Variants in CCDC38 observed in about 807,000 individuals in gnomAD.
The protein encoded by CCDC38 is coiled-coil domain-containing protein 38.
A neutral mutation model predicts 72.8 loss-of-function variants in CCDC38; 69 were observed. The ratio of observed to expected loss-of-function variants is 0.95; its 90% CI spans 0.78 to 1.16. CCDC38 has a LOEUF of 1.16. CCDC38 is among the 50% of genes most tolerant of loss of function. The probability of loss-of-function intolerance (pLI) is 0.00; values close to 1 mark genes in which losing one functional copy is unlikely to be tolerated. For synonymous variants in CCDC38, 201 were observed against 213.2 expected, an observed-to-expected ratio of 0.94 and a Z score of 0.50; for missense variants, 626 against 638.9, an observed-to-expected ratio of 0.98 and a Z score of 0.22.
Position 95,936,466 on chromosome 12 carries a change from T to G in CCDC38, c.37+7A>C. 6.2e-7 allele frequency: 1 copy of G among 1,612,844 alleles called. No homozygotes were observed. Among genetic ancestry groups the G allele is most frequent in the Non-Finnish European group, 8.5e-7 (1 of 1,179,638 alleles). ...AAACAAGAATATATTGATTGATTTC[T>G]TTTTACCTCCAGAATTCAGTGTTGG... is the stretch of plus-strand genomic sequence containing the variant. On this transcript the variant is annotated splice_region_variant and intron_variant, in intron 2 of 15. Coordinates refer to ENST00000344280, the MANE Select transcript of CCDC38 (RefSeq NM_182496.3).
chr12:95,917,245 G>A lies in CCDC38; in HGVS notation c.188C>T (p.Ser63Leu), dbSNP rs1038390423. The A allele has an allele frequency of 3.7e-6, 6 of 1,603,952 alleles. No individual in the cohort carries two copies. Among genetic ancestry groups the A allele is most frequent in the Non-Finnish European group, 5.1e-6 (6 of 1,177,940 alleles). Residue 63 changes from serine (S) to leucine (L), a missense_variant, in exon 4 of 16, where the codon TCA (serine) becomes TTA (leucine). By Grantham distance (145) the Ser-to-Leu change is moderately radical. Transcript: ENST00000344280. ...GTATGAATGACTCTTCATTCTGGAT[G>A]AAAAAGTAGTTTTCTGGTAGACTTT... ...NMKVYQKTTFSSRMKSHSYLS... is the reference protein window; with the variant it reads ...NMKVYQKTTFLSRMKSHSYLS...
At position 95,888,461 on chromosome 12, in the gene CCDC38, G is replaced by T; in HGVS notation, c.917C>A (p.Ser306Ter). Reference protein sequence around the residue: ...SLTRTPEKKKSNLAESFGSED... With the variant: ...SLTRTPEKKK ...GTTAGTCAAGTATATACTGTACTTT[G>T]ATTTCTTTTTCTCTGGAGTGCGAGT... Residue 306 changes from serine (S) to a stop codon, truncating the protein, a stop_gained, in exon 10 of 16, where the codon TCA (serine) becomes TAA (stop). Transcript: ENST00000344280. LOFTEE classifies it high-confidence loss of function. The T allele has an allele frequency of 6.2e-7, 1 of 1,613,880 alleles. No homozygotes were observed. The highest frequency in any genetic ancestry group is 8.5e-7 in the Non-Finnish European group (1 of 1,179,888).
At chr12:95,873,989 CATA>C (rs1300934702) in intron 13 of CCDC38, among the ~76,000 whole-genome samples, 1 of 152,176 alleles carries the variant, frequency 6.6e-6, no homozygotes, top group Non-Finnish European at 1.5e-5. Flanking sequence ...TGGAGAAATA[CATA>C]ATAATATAAA....
At chr12:95,868,390 G>T (rs1465623173) in intron 15 of CCDC38, among the ~76,000 whole-genome samples, 1 of 152,154 alleles carries the variant, frequency 6.6e-6, no homozygotes, top group Non-Finnish European at 1.5e-5. Context: ...ATGTGGAAGG[G>T]TGATGAATGG....
At chr12:95,926,897 G>C (rs1272340990) in intron 2 of CCDC38, among the ~76,000 whole-genome samples, 1 of 151,804 alleles carries the variant, frequency 6.6e-6, no homozygotes, top group Non-Finnish European at 1.5e-5. Context: ...TTGCACTGTG[G>C]TCTGAGAGAT....
At chr12:95,917,382 G>A in intron 3 of CCDC38, 88 bp from the exon 4 acceptor site, 1 of 1,122,488 alleles carries the variant, frequency 8.9e-7, no homozygotes, top group Non-Finnish European at 1.2e-6. Flanking sequence ...AATAACATTT[G>A]CAACAAAAAT....
chr12:95,917,047 A>G, intron 4 of CCDC38, 82 bp downstream of exon 4: 3 of 1,074,900 alleles, frequency 2.8e-6, no homozygotes, highest in Non-Finnish European at 3.9e-6. Flanking sequence ...GTCTGTTTTA[A>G]TCACCCTCCA....
intron 2 of CCDC38, among the ~76,000 whole-genome samples, 194 bp from the exon 3 acceptor site, chr12:95,919,170 C>T (rs566520882): frequency 6.6e-6 from 1 of 152,288 alleles, no homozygotes; most frequent in South Asian, 2.1e-4. Flanking sequence ...GTGGATCGGG[C>T]AGCCCCCAGA....
chr12:95,884,209 C>G (rs2079732003), intron 10 of CCDC38, among the ~76,000 whole-genome samples: 1 of 152,156 alleles, frequency 6.6e-6, no homozygotes, highest in South Asian at 2.1e-4. Flanking sequence ...AAAAACAAAA[C>G]AAAATTCTTG....
At chr12:95,877,744 G>A (rs1181909665) in intron 13 of CCDC38, among the ~76,000 whole-genome samples, 1 of 152,196 alleles carries the variant, frequency 6.6e-6, no homozygotes, top group Non-Finnish European at 1.5e-5. Flanking sequence ...ACATATCACA[G>A]CTGTTTTGAT....
chr12:95,870,795 A>G (rs2079572731), intron 14 of CCDC38, among the ~76,000 whole-genome samples: 1 of 152,196 alleles, frequency 6.6e-6, no homozygotes, highest in South Asian at 2.1e-4. Context: ...GGGTAAGCAT[A>G]TCCACCCTAC....
intron 4 of CCDC38, among the ~76,000 whole-genome samples, chr12:95,908,207 C>T (rs1410868592): frequency 5.3e-5 from 8 of 151,818 alleles, no homozygotes; most frequent in African/African-American, 1.7e-4. Context: ...CGTCTGCAAT[C>T]CCGGCACCTC....
intron 13 of CCDC38, among the ~76,000 whole-genome samples, chr12:95,873,587 C>G (rs2079604658): frequency 6.6e-6 from 1 of 152,198 alleles, no homozygotes; most frequent in Non-Finnish European, 1.5e-5. Flanking sequence ...CCTCTGTCTC[C>G]ATTGTGAACC....
chr12:95,872,141 C>T (rs181764193), intron 14 of CCDC38, 114 bp downstream of exon 14: 55 of 890,380 alleles, frequency 6.2e-5, no homozygotes, highest in African/African-American at 6.2e-4. Flanking sequence ...GGATTTCATT[C>T]CTCCTCACTG....
intron 2 of CCDC38, chr12:95,919,436 T>G (rs768424749): frequency 4.6e-6 from 2 of 434,940 alleles, no homozygotes; most frequent in Non-Finnish European, 9.3e-6. Flanking sequence ...TAATTTTGTC[T>G]ACCTATTAAG....
At chr12:95,932,353 C>T (rs2080346841) in intron 2 of CCDC38, among the ~76,000 whole-genome samples, 1 of 152,116 alleles carries the variant, frequency 6.6e-6, no homozygotes, top group African/African-American at 2.4e-5. Flanking sequence ...CCCTCAAGCA[C>T]TCATTTTTCC....
upstream of CCDC38, chr12:95,943,153 T>A: frequency 2.1e-6 from 1 of 471,656 alleles, no homozygotes; most frequent in Non-Finnish European, 3.7e-6. Flanking sequence ...TTACTCGGGA[T>A]GGGACAAGAC....
At chr12:95,921,501 A>C (rs973393789) in intron 2 of CCDC38, among the ~76,000 whole-genome samples, 1 of 152,166 alleles carries the variant, frequency 6.6e-6, no homozygotes, top group Non-Finnish European at 1.5e-5. Context: ...AGGAGAGAGA[A>C]GCATGAAGGA....
intron 10 of CCDC38, among the ~76,000 whole-genome samples, chr12:95,887,894 T>G (rs2079778083): frequency 6.6e-6 from 1 of 152,158 alleles, no homozygotes; most frequent in Non-Finnish European, 1.5e-5. Context: ...GTGCCTAGAA[T>G]TCACAGCAAA....
Sources: gnomAD v4.1 joint callset for allele counts (sites outside exome capture counted in the v4.1 genomes callset) on GRCh38, gnomAD v4.1.1 for gene constraint, MANE v1.5 for transcripts, NCBI Gene and HGNC (gene_info 2026-07-23, HGNC 2026-07-21) for gene names.